The following LEPR variants were observed in gnomAD, a reference collection of about 807,000 sequenced individuals.
LEPR encodes the protein leptin receptor, also known as OB receptor.
In LEPR, 56 loss-of-function variants were observed where a neutral mutation model predicts 114.7. The observed-to-expected ratio is 0.49, with a 90% CI of 0.39 to 0.61. LEPR has a LOEUF of 0.61. Ranked by LOEUF, LEPR falls within the 20% of genes least tolerant of loss-of-function variation. The probability of loss-of-function intolerance (pLI) is 0.00; values close to 1 mark genes in which losing one functional copy is unlikely to be tolerated. For missense variants in LEPR, 1,202 were observed against 1,352.9 expected, an observed-to-expected ratio of 0.89 and a Z score of 1.75; for synonymous variants, 443 against 461.4, an observed-to-expected ratio of 0.96 and a Z score of 0.51.
rs1439625951 is a variant in LEPR at position 65,641,498 on chromosome 1, A to G, written c.*4483A>G. 1 of 152,238 alleles carries G rather than the reference A, an allele frequency of 6.6e-6. No individual in the cohort carries two copies. Among genetic ancestry groups the G allele is most frequent in the Non-Finnish European group, 1.5e-5 (1 of 68,032 alleles). 9.4% of individuals were successfully genotyped at this position (152,238 alleles called of 1,614,324 possible). A position where few individuals can be genotyped will look rare whatever the true frequency, so the allele number is the denominator to read the frequency against. On this transcript the variant is annotated 3_prime_UTR_variant, in exon 20 of 20. Transcript: ENST00000349533. ...CAGTGTACTTTATGACAGTATATTT[A>G]TCTTTTTATCATTATGAATTATAAG...
At chr1:65,456,629 C>T (rs952949604) in intron 2 of LEPR, among the ~76,000 whole-genome samples, 2 of 151,996 alleles carry the variant, frequency 1.3e-5, no homozygotes, top group African/African-American at 4.8e-5. Context: ...AATAGAGGTA[C>T]TCTTGTTTTC....
intron 2 of LEPR, among the ~76,000 whole-genome samples, chr1:65,475,858 TACAA>T (rs963625064): frequency 6.6e-6 from 1 of 151,602 alleles, no homozygotes; most frequent in African/African-American, 2.4e-5. Context: ...TGTACAAAAA[TACAA>T]ACATTTAGCT....
At chr1:65,551,684 GT>G (rs1557657562) in intron 2 of LEPR, among the ~76,000 whole-genome samples, 1 of 152,018 alleles carries the variant, frequency 6.6e-6, no homozygotes, top group East Asian at 1.9e-4. Context: ...TTTTTGAAGG[GT>G]TTTTCGTGTC....
At chr1:65,632,189 T>G (rs1427278846) in intron 19 of LEPR, among the ~76,000 whole-genome samples, 1 of 152,116 alleles carries the variant, frequency 6.6e-6, no homozygotes, top group African/African-American at 2.4e-5. Context: ...CTCACAGATC[T>G]GAATCAGAAG....
At chr1:65,588,126 C>T (rs1655440962) in intron 5 of LEPR, among the ~76,000 whole-genome samples, 1 of 151,962 alleles carries the variant, frequency 6.6e-6, no homozygotes, top group Admixed American at 6.6e-5. Flanking sequence ...ACTCCACACT[C>T]TTCTCCCCAC....
chr1:65,421,476 T>C, intron 1 of LEPR: 1 of 1,536,146 alleles, frequency 6.5e-7, no homozygotes, highest in Non-Finnish European at 8.7e-7. Context: ...AAACATTCCA[T>C]TTCTAATCTG....
chr1:65,576,477 C>A, intron 5 of LEPR: 1 of 155,190 alleles, frequency 6.4e-6, no homozygotes, highest in South Asian at 1.8e-4. Context: ...ATTTGTTGGT[C>A]TGGAGGTGAT....
chr1:65,520,187 G>T (rs1323213454), intron 2 of LEPR, among the ~76,000 whole-genome samples: 1 of 152,082 alleles, frequency 6.6e-6, no homozygotes, highest in Admixed American at 6.6e-5. Context: ...TAAATATAGG[G>T]TCTTGCTATG....
intron 5 of LEPR, among the ~76,000 whole-genome samples, chr1:65,587,726 G>A (rs986931897): frequency 3.0e-4 from 46 of 152,050 alleles, no homozygotes; most frequent in African/African-American, 1.0e-3. Flanking sequence ...TGCAAATGTT[G>A]TTTCAGGGTT....
At chr1:65,455,016 A>G (rs7535897) in intron 2 of LEPR, among the ~76,000 whole-genome samples, 103,358 of 151,770 alleles carry the variant, frequency 0.68, 36,619 homozygotes, top group African/African-American at 0.84. Context: ...TTCCCTTCTC[A>G]CTTCATTTCA....
At chr1:65,552,240 A>T (rs1570675398) in intron 2 of LEPR, among the ~76,000 whole-genome samples, 1 of 152,296 alleles carries the variant, frequency 6.6e-6, no homozygotes, top group African/African-American at 2.4e-5. Context: ...TCCAGAGCTG[A>T]GTTCAAGTCC....
At chr1:65,629,244 TA>T (rs1279007468) in intron 19 of LEPR, 1,025 of 278,946 alleles carry the variant, frequency 3.7e-3, no homozygotes, top group South Asian at 6.7e-3. Context: ...TTTTTTTTTT[TA>T]AATAAAAACA....
chr1:65,525,591 G>T, intron 2 of LEPR: 1 of 980,176 alleles, frequency 1.0e-6, no homozygotes, highest in East Asian at 1.1e-4. Context: ...GCGGCCACCC[G>T]ACTCTTCCCT....
intron 3 of LEPR, among the ~76,000 whole-genome samples, chr1:65,569,282 A>C (rs1653985352): frequency 1.3e-5 from 2 of 152,246 alleles, no homozygotes; most frequent in Admixed American, 6.5e-5. Flanking sequence ...ATTTCATACA[A>C]ATCCATACAA....
intron 12 of LEPR, 147 bp downstream of exon 12, chr1:65,609,048 G>C (rs1657004067): frequency 2.6e-6 from 3 of 1,133,394 alleles, no homozygotes; most frequent in African/African-American, 3.2e-5. Flanking sequence ...ATTTATCTAA[G>C]TCTAACTTTT....
At chr1:65,546,245 G>A (rs1429089408) in intron 2 of LEPR, among the ~76,000 whole-genome samples, 2 of 152,150 alleles carry the variant, frequency 1.3e-5, no homozygotes, top group African/African-American at 4.8e-5. Context: ...GTAGAGTGAT[G>A]CCTCCAGCTT....
intron 2 of LEPR, among the ~76,000 whole-genome samples, chr1:65,534,837 T>C (rs888935331): frequency 6.6e-6 from 1 of 152,190 alleles, no homozygotes; most frequent in Non-Finnish European, 1.5e-5. Flanking sequence ...GGTATTATAA[T>C]AGGCTTTAAA....
intron 5 of LEPR, among the ~76,000 whole-genome samples, chr1:65,587,482 G>C (rs1469249634): frequency 1.3e-5 from 2 of 151,998 alleles, no homozygotes; most frequent in Admixed American, 1.3e-4. Context: ...ATACTTTTAT[G>C]TGATTATTGT....
intron 2 of LEPR, among the ~76,000 whole-genome samples, chr1:65,475,887 G>A (rs1440962817): frequency 6.6e-6 from 1 of 151,722 alleles, no homozygotes; most frequent in Non-Finnish European, 1.5e-5. Context: ...ATGGTGGTGT[G>A]TGCCTGTAAT....
Sources: allele counts gnomAD v4.1 joint callset (sites outside exome capture counted in the v4.1 genomes callset), GRCh38; gene constraint gnomAD v4.1.1; transcripts MANE v1.5; gene names NCBI Gene and HGNC (gene_info 2026-07-23, HGNC 2026-07-21).